The following TRPC4AP variants were observed in gnomAD, a reference collection of about 807,000 sequenced individuals.
TRPC4AP encodes the protein short transient receptor potential channel 4-associated protein.
In TRPC4AP, 45 loss-of-function variants were observed where a neutral mutation model predicts 99.0. The ratio of observed to expected loss-of-function variants is 0.45; its 90% CI spans 0.36 to 0.58. The LOEUF (loss-of-function observed/expected upper bound fraction) is 0.58. Ranked by LOEUF, TRPC4AP falls within the 20% of genes least tolerant of loss-of-function variation. The probability of loss-of-function intolerance (pLI) is 0.00; values close to 1 mark genes in which losing one functional copy is unlikely to be tolerated. For missense variants in TRPC4AP, 879 were observed against 985.3 expected (o/e 0.89, Z 1.44); for synonymous variants, 408 against 385.8 (o/e 1.06, Z -0.67).
intron 9 of TRPC4AP, among the ~76,000 whole-genome samples, chr20:35,018,343 C>T (rs976113138): frequency 6.6e-6 from 1 of 152,154 alleles, no homozygotes; most frequent in African/African-American, 2.4e-5. Flanking sequence ...GCCTGTTAAT[C>T]CCAGCACTTT....
At chr20:35,005,649 AT>A in intron 16 of TRPC4AP, 45 bp downstream of exon 16, 1 of 1,555,492 alleles carries the variant, frequency 6.4e-7, no homozygotes, top group Non-Finnish European at 8.9e-7. Context: ...TGATGCCAGC[AT>A]TCTTACCCTG....
chr20:35,088,017 T>C (rs2084934599), intron 1 of TRPC4AP, among the ~76,000 whole-genome samples: 1 of 152,204 alleles, frequency 6.6e-6, no homozygotes, highest in Non-Finnish European at 1.5e-5. Context: ...AGAAGGCAAT[T>C]GGATATACCT....
intron 12 of TRPC4AP, 142 bp from the exon 13 acceptor site, chr20:35,008,889 C>A: frequency 1.4e-6 from 1 of 711,752 alleles, no homozygotes; most frequent in Non-Finnish European, 2.3e-6. Flanking sequence ...CAACTGGGTC[C>A]AGAGCCCCGG....
intron 11 of TRPC4AP, among the ~76,000 whole-genome samples, chr20:35,012,063 T>G (rs1221250747): frequency 6.6e-6 from 1 of 152,206 alleles, no homozygotes; most frequent in African/African-American, 2.4e-5. Context: ...AAGAGTCTGA[T>G]GAAAGCCAGA....
chr20:35,017,150 C>T (rs2082772995), intron 9 of TRPC4AP, among the ~76,000 whole-genome samples: 1 of 152,134 alleles, frequency 6.6e-6, no homozygotes, highest in Non-Finnish European at 1.5e-5. Context: ...TTATGGTATG[C>T]CACTCAATGG....
intron 3 of TRPC4AP, among the ~76,000 whole-genome samples, chr20:35,064,795 T>C (rs945195716): frequency 1.3e-5 from 2 of 152,266 alleles, no homozygotes; most frequent in African/African-American, 4.8e-5. Context: ...GTTTTCATCA[T>C]GAATTTTCCC....
chr20:35,016,213 C>G (rs2082750755), intron 9 of TRPC4AP, 74 bp from the exon 10 acceptor site: 1 of 1,554,734 alleles, frequency 6.4e-7, no homozygotes, highest in African/African-American at 1.4e-5. Flanking sequence ...GTGCTCAGTA[C>G]ACACGATAAT....
rs544551761 is a variant in TRPC4AP at position 35,071,527 on chromosome 20, C to T, written c.298-2115G>A. Among the ~76,000 whole-genome samples the T allele has an allele frequency of 4.7e-5, 7 of 149,568 alleles. No homozygotes were observed. The South Asian group carries it at 6.3e-4, about 13-fold the overall frequency. ...ATTCCCACCTATGAGTGAGAACACACGGTGTTTGGTTTTCTGTCCTTAACG... is the reference window on the plus strand; with the variant it reads ...ATTCCCACCTATGAGTGAGAACACATGGTGTTTGGTTTTCTGTCCTTAACG... On this transcript the variant is annotated intron_variant, in intron 2 of 18. Coordinates refer to ENST00000252015, the MANE Select transcript of TRPC4AP (RefSeq NM_015638.3).
intron 12 of TRPC4AP, 103 bp from the exon 13 acceptor site, chr20:35,008,850 T>G: frequency 9.3e-7 from 1 of 1,077,888 alleles, no homozygotes; most frequent in Admixed American, 2.2e-5. Flanking sequence ...ATGGGGACAT[T>G]TCCAAGTCTG....
At chr20:35,088,922 G>A (rs1600678841) in intron 1 of TRPC4AP, among the ~76,000 whole-genome samples, 1 of 152,164 alleles carries the variant, frequency 6.6e-6, no homozygotes, top group East Asian at 1.9e-4. Context: ...GGTTACCAAG[G>A]ACTGGGAGGG....
At chr20:35,007,430 A>T (rs113061860) in intron 14 of TRPC4AP, 120 bp downstream of exon 14, 2 of 1,044,710 alleles carry the variant, frequency 1.9e-6, no homozygotes, top group Admixed American at 2.4e-5. Context: ...CTGCACAGGC[A>T]TTTGGAAGTC....
intron 5 of TRPC4AP, among the ~76,000 whole-genome samples, chr20:35,051,033 T>C (rs2083685907): frequency 6.9e-6 from 1 of 144,884 alleles, no homozygotes; most frequent in African/African-American, 2.5e-5. Context: ...TGCTATAGCT[T>C]ACACACACAC....
rs766286075 is a variant in TRPC4AP, at chr20:35,092,790, G to A, written c.-9C>T. On this transcript the variant is annotated 5_prime_UTR_variant, in exon 1 of 19. The change creates a new upstream start codon in the 5' untranslated region. Transcript: ENST00000252015. ...ACCGGCGCCGCCGCCATGTCTCCTC[G>A]TCGGACAAACAGGAAGCAAGCGGCC... is the stretch of plus-strand genomic sequence containing the variant. 1.3e-6 allele frequency: 2 copies of A among 1,526,254 alleles called. No homozygotes were observed. Among genetic ancestry groups the A allele is most frequent in the South Asian group, 2.4e-5 (2 of 83,220 alleles). The allele number at this position is 1,526,254 out of a possible 1,614,324, so 94.5% of individuals were successfully genotyped here.
intron 8 of TRPC4AP, among the ~76,000 whole-genome samples, chr20:35,025,858 C>T (rs1352635829): frequency 1.3e-5 from 2 of 152,080 alleles, no homozygotes; most frequent in East Asian, 3.8e-4. Context: ...TTGTTAAATC[C>T]AAGGTCATGA....
chr20:35,069,591 G>A (rs2084251424), intron 2 of TRPC4AP, among the ~76,000 whole-genome samples, 179 bp from the exon 3 acceptor site: 1 of 152,068 alleles, frequency 6.6e-6, no homozygotes, highest in Admixed American at 6.6e-5. Flanking sequence ...ACTAAATCTG[G>A]GCTGGTATGA....
chr20:35,069,416 GTTTTTTT>G lies in TRPC4AP; in HGVS notation c.298-11_298-5del. 2 of 1,574,734 alleles carry G rather than the reference GTTTTTTT, an allele frequency of 1.3e-6. No individual in the cohort carries two copies. The highest frequency in any genetic ancestry group is 1.7e-5 in the Admixed American group (1 of 57,714). The stretch of plus-strand genomic sequence containing the variant: ...TGGAGAGAAGAGGAGAAATTTCCTA[GTTTTTTT>G]AAAAAAAAGTACATACATTGTTTTA... On this transcript the variant is annotated splice_polypyrimidine_tract_variant and splice_region_variant and intron_variant, in intron 2 of 18. Coordinates refer to ENST00000252015, the MANE Select transcript of TRPC4AP (RefSeq NM_015638.3).
intron 14 of TRPC4AP, among the ~76,000 whole-genome samples, chr20:35,007,028 T>C (rs889829437): frequency 4.6e-5 from 7 of 152,186 alleles, no homozygotes; most frequent in Non-Finnish European, 8.8e-5. Context: ...TTAAATAGAG[T>C]TTACACCAAA....
At chr20:35,043,936 A>C (rs545149910) in intron 7 of TRPC4AP, among the ~76,000 whole-genome samples, 2 of 152,328 alleles carry the variant, frequency 1.3e-5, no homozygotes, top group African/African-American at 4.8e-5. Flanking sequence ...CAAAAAGTAT[A>C]TGCATTTGTA....
chr20:35,063,456 A>G (rs1242503674), intron 3 of TRPC4AP, among the ~76,000 whole-genome samples: 1 of 152,158 alleles, frequency 6.6e-6, no homozygotes, highest in East Asian at 1.9e-4. Flanking sequence ...AGTGACTGCT[A>G]ATTTGTACAA....
Sources: gnomAD v4.1 joint callset for allele counts (sites outside exome capture counted in the v4.1 genomes callset) on GRCh38, gnomAD v4.1.1 for gene constraint, MANE v1.5 for transcripts, NCBI Gene and HGNC (gene_info 2026-07-23, HGNC 2026-07-21) for gene names.